The following CDC42BPG variants were observed in gnomAD, a reference collection of about 807,000 sequenced individuals.
CDC42BPG encodes serine/threonine-protein kinase MRCK gamma.
In CDC42BPG, 157 loss-of-function variants were observed where a neutral mutation model predicts 192.2. The ratio of observed to expected loss-of-function variants is 0.82; its 90% CI spans 0.72 to 0.93. The LOEUF (loss-of-function observed/expected upper bound fraction) is 0.93. CDC42BPG is among the 40% of genes least tolerant of loss of function. The pLI is 0.00. For missense variants in CDC42BPG, 1,992 were observed against 2,122.1 expected (o/e 0.94, Z 1.20); for synonymous variants, 981 against 918.5 (o/e 1.07, Z -1.23).
At chr11:64,836,562 C>G (rs377284425) in intron 11 of CDC42BPG, 32 bp from the exon 12 acceptor site, 3 of 1,584,116 alleles carry the variant, frequency 1.9e-6, no homozygotes, top group African/African-American at 2.7e-5. Flanking sequence ...ACCTCGAGTG[C>G]TGGCGGCCCC....
rs1565690044 is a variant in CDC42BPG, at chr11:64,836,713, G to GGGGT, written c.1384+25_1384+26insACCC. The GGGGT allele has an allele frequency of 5.4e-5, 46 of 856,400 alleles. 4 individuals carry two copies. Among genetic ancestry groups the GGGGT allele is most frequent in the African/African-American group, 8.9e-5 (5 of 56,246 alleles). 53.1% of individuals were successfully genotyped at this position (856,400 alleles called of 1,614,324 possible). The stretch of plus-strand genomic sequence containing the variant: ...CCAGGTGGGACTCAGCCCTGGGGGG[G>GGGGT]GGGGGGGGGTGGGCGGAAGGGATAC... On this transcript the variant is annotated intron_variant, in intron 11 of 36. Coordinates refer to ENST00000342711, the MANE Select transcript of CDC42BPG (RefSeq NM_017525.3).
intron 34 of CDC42BPG, 115 bp downstream of exon 34, chr11:64,826,935 G>A: frequency 1.7e-6 from 2 of 1,163,964 alleles, no homozygotes; most frequent in Non-Finnish European, 2.5e-6. Context: ...AGAAGTGTGA[G>A]TCCCAGGCCT....
At chr11:64,826,638 G>T (rs1942431222) in intron 35 of CDC42BPG, 33 bp downstream of exon 35, 1 of 1,584,456 alleles carries the variant, frequency 6.3e-7, no homozygotes, top group African/African-American at 1.3e-5. Context: ...GGGGTGGGGG[G>T]TGGCACACTG....
At position 64,827,106 on chromosome 11, in the gene CDC42BPG, G is replaced by A; in HGVS notation, c.4333C>T (p.His1445Tyr). 6.2e-7 allele frequency: 1 copy of A among 1,614,110 alleles called. No homozygotes were observed. Among genetic ancestry groups the A allele is most frequent in the African/African-American group, 1.3e-5 (1 of 75,046 alleles). The change falls in exon 34 of 37, where the codon CAC (histidine) becomes TAC (tyrosine). Residue 1445 changes from histidine to tyrosine, a missense_variant. By Grantham distance (83) the His-to-Tyr change is moderately conservative (BLOSUM62 2). Transcript: ENST00000342711. ...TTGGCAGGGCCCACGTGTACTAGGTGGTTGAAGTTGGTAGGCGGCGAGATG... is the reference window on the plus strand; with the variant it reads ...TTGGCAGGGCCCACGTGTACTAGGTAGTTGAAGTTGGTAGGCGGCGAGATG... ...KLISPPTNFNHLVHVGPANGR... is the reference protein window; with the variant it reads ...KLISPPTNFNYLVHVGPANGR...
Position 64,834,583 on chromosome 11 carries a change from G to A in CDC42BPG, c.2176-6C>T. 6.5e-7 allele frequency: 1 copy of A among 1,550,190 alleles called. No individual in the cohort carries two copies. Among genetic ancestry groups the A allele is most frequent in the Non-Finnish European group, 8.7e-7 (1 of 1,145,456 alleles). On this transcript the variant is annotated splice_region_variant and splice_polypyrimidine_tract_variant and intron_variant, in intron 18 of 36. Coordinates refer to ENST00000342711, the MANE Select transcript of CDC42BPG (RefSeq NM_017525.3). ...CGCGCCTTCCACTGGTGGTCCTGGT[G>A]GCCACGGAGCACCCGTATAAGATGC...
At chr11:64,842,867 C>T (rs908904098) in intron 1 of CDC42BPG, among the ~76,000 whole-genome samples, 1 of 152,182 alleles carries the variant, frequency 6.6e-6, no homozygotes, top group African/African-American at 2.4e-5. Context: ...GAGGTAAACT[C>T]CCTGCCAGCT....
Position 64,826,568 on chromosome 11 carries a change from C to T in CDC42BPG, c.4514-13G>A. 1.3e-6 allele frequency: 2 copies of T among 1,596,380 alleles called. No individual in the cohort carries two copies. Among genetic ancestry groups the T allele is most frequent in the Non-Finnish European group, 1.7e-6 (2 of 1,172,368 alleles). On this transcript the variant is annotated splice_polypyrimidine_tract_variant and intron_variant, in intron 35 of 36. Transcript: ENST00000342711. Reference sequence around the variant, plus strand: ...GGTTTCCTCTTCACTGCTCCAGCAGCAGACGAGGAGACAAAAATACCAAGA... The same window carrying T: ...GGTTTCCTCTTCACTGCTCCAGCAGTAGACGAGGAGACAAAAATACCAAGA...
In CDC42BPG at chr11:64,829,963, C is replaced by G; in HGVS notation, c.3475G>C (p.Ala1159Pro). 1 of 1,612,652 alleles carries G rather than the reference C, an allele frequency of 6.2e-7. No individual in the cohort carries two copies. Among genetic ancestry groups the G allele is most frequent in the East Asian group, 2.2e-5 (1 of 44,876 alleles). Residue 1159 changes from alanine (A) to proline (P), a missense_variant, in exon 30 of 37, where the codon GCC becomes CCC. Ala to Pro is a conservative substitution (Grantham distance 27). Transcript: ENST00000342711. The part of the protein sequence containing the change: ...CGRGPSVRLF[A>P]LAELENIEVA... ...TCTATGTTCTCCAGCTCCGCCAGGG[C>G]AAAGAGACGCACGCTGGGGCCGCGG...
chr11:64,832,702 C>A lies in CDC42BPG; in HGVS notation c.2907G>T (p.Val969=). ...PSGVRRGWQR[V]FAALSDSRLL... is the part of the protein sequence containing the mutation. ...GGCGTGAGTCACTCAGGGCAGCAAA[C>A]ACGCGCTGCCAGCCCCGCCGGACAC... is the stretch of plus-strand genomic sequence containing the variant. The change falls in exon 26 of 37, where the codon GTG becomes GTT. Residue 969 remains valine (V), a synonymous_variant. Transcript: ENST00000342711. 6.2e-7 allele frequency: 1 copy of A among 1,612,102 alleles called. No individual in the cohort carries two copies. The highest frequency in any genetic ancestry group is 1.1e-5 in the South Asian group (1 of 90,918).
intron 28 of CDC42BPG, 86 bp from the exon 29 acceptor site, chr11:64,830,342 G>A: frequency 8.7e-7 from 1 of 1,153,570 alleles, no homozygotes; most frequent in Admixed American, 2.0e-5. Flanking sequence ...TGCTGTGCCT[G>A]TTTATCTTGA....
At position 64,827,441 on chromosome 11, in the gene CDC42BPG, G is replaced by A. The variant is rs751073126; in HGVS notation, c.4151-43C>T. The A allele has an allele frequency of 7.5e-6, 12 of 1,605,134 alleles. No homozygotes were observed. In the East Asian group the frequency reaches 2.2e-4, roughly 30 times the overall value. ...AGCTGGGCTGTGCTCACACATTCCC[G>A]GGGCCCAGTCAGCTGGCATTCAGGG... On this transcript the variant is annotated intron_variant, in intron 32 of 36. Transcript: ENST00000342711.
At chr11:64,832,129 T>A (rs1229833440) in intron 27 of CDC42BPG, among the ~76,000 whole-genome samples, 1 of 152,110 alleles carries the variant, frequency 6.6e-6, no homozygotes, top group African/African-American at 2.4e-5. Context: ...CCTTCAGAAC[T>A]GGAGAGAGCA....
chr11:64,831,565 T>C lies in CDC42BPG; in HGVS notation c.3244A>G (p.Lys1082Glu), dbSNP rs778771082. ...RPRPRPVYTL[K>E]EAYDNGLPLL... The stretch of plus-strand genomic sequence containing the variant: ...GGCAGCCCGTTGTCGTAAGCCTCCT[T>C]GAGTGTGTACACGGGCCGGGGTCTT... Residue 1082 changes from lysine to glutamate, a missense_variant, in exon 28 of 37, where the codon AAG (lysine) becomes GAG (glutamate). This residue lies in a region of CDC42BPG where 1,656 missense variants were observed against 1,844.3 expected (regional missense o/e 0.90). Transcript: ENST00000342711. The C allele has an allele frequency of 1.2e-6, 2 of 1,612,622 alleles. No homozygotes were observed. The highest frequency in any genetic ancestry group is 1.7e-5 in the Admixed American group (1 of 60,014).
chr11:64,835,726 G>A, intron 14 of CDC42BPG, 36 bp downstream of exon 14: 1 of 1,611,846 alleles, frequency 6.2e-7, no homozygotes, highest in African/African-American at 1.3e-5. Context: ...AGGCTGGTGG[G>A]GAAGCACCTC....
At position 64,834,409 on chromosome 11, in the gene CDC42BPG, G is replaced by A. The variant is rs1208664788; in HGVS notation, c.2324+20C>T. The A allele has an allele frequency of 1.9e-6, 3 of 1,561,914 alleles. No homozygotes were observed. Among genetic ancestry groups the A allele is most frequent in the African/African-American group, 1.4e-5 (1 of 73,748 alleles). On this transcript the variant is annotated intron_variant, in intron 19 of 36. Coordinates refer to ENST00000342711, the MANE Select transcript of CDC42BPG (RefSeq NM_017525.3). ...GCCTCTGTGCGGGCCCTGGCCCCCA[G>A]TGCCTGCCCCTAGCCTCACCGCTCA...
In CDC42BPG at chr11:64,823,780, G is replaced by A. The variant is rs904560674; in HGVS notation, c.*693C>T. On this transcript the variant is annotated 3_prime_UTR_variant, in exon 37 of 37. Transcript: ENST00000342711. ...GCCCCGCCCACTGCACCCCTCCCCA[G>A]AGAAAGGACCCTTTGTTCTCCAGAC... 6.5e-6 allele frequency: 1 copy of A among 153,192 alleles called. No individual in the cohort carries two copies. The highest frequency in any genetic ancestry group is 1.5e-5 in the Non-Finnish European group (1 of 68,814). The allele number at this position is 153,192 out of a possible 1,614,324, so 9.5% of individuals were successfully genotyped here. A position where few individuals can be genotyped will look rare whatever the true frequency, so the allele number is the denominator to read the frequency against.
Position 64,827,643 on chromosome 11 carries a change from C to G in CDC42BPG, c.4066-32G>C, listed in dbSNP as rs765098367. 4.4e-6 allele frequency: 7 copies of G among 1,606,158 alleles called. No homozygotes were observed. The South Asian group carries it at 7.7e-5, about 18-fold the overall frequency. On this transcript the variant is annotated intron_variant, in intron 31 of 36. Coordinates refer to ENST00000342711, the MANE Select transcript of CDC42BPG (RefSeq NM_017525.3). ...CAGCAGGCACAGCGGTCAGGCCACG[C>G]CTCCACCCCCGGCGCTACCCCAGGG... is the stretch of plus-strand genomic sequence containing the variant.
At chr11:64,827,496 C>T (rs532006076) in intron 32 of CDC42BPG, 31 bp downstream of exon 32, 17 of 1,604,746 alleles carry the variant, frequency 1.1e-5, no homozygotes, top group African/African-American at 8.0e-5. Context: ...CACTGGGGAA[C>T]GCACACACCC....
chr11:64,835,995 C>T, intron 13 of CDC42BPG, 122 bp downstream of exon 13: 1 of 1,337,812 alleles, frequency 7.5e-7, no homozygotes. Context: ...GCCACCATCC[C>T]CTGGCCTAGC....
Sources: allele counts gnomAD v4.1 joint callset (sites outside exome capture counted in the v4.1 genomes callset), GRCh38; gene constraint gnomAD v4.1.1; regional missense constraint gnomAD v4.1.1; transcripts MANE v1.5; gene names NCBI Gene and HGNC (gene_info 2026-07-23, HGNC 2026-07-21).